The following PCDH11X variants were observed in gnomAD, a reference collection of about 807,000 sequenced individuals.
PCDH11X encodes protocadherin-11 X-linked.
Under a neutral mutation model 53.3 loss-of-function variants are expected in PCDH11X, and 18 were observed. That is an observed-to-expected ratio of 0.34 (90% confidence interval 0.23 to 0.50). The LOEUF (loss-of-function observed/expected upper bound fraction) is 0.50, where lower values mean the gene tolerates loss of function less well. Ranked by LOEUF, PCDH11X falls within the 20% of genes least tolerant of loss-of-function variation. PCDH11X has a pLI of 0.98. For missense variants in PCDH11X, 570 were observed against 1,032.4 expected (o/e 0.55, Z 6.14); for synonymous variants, 279 against 393.3 (o/e 0.71, Z 3.44).
At chrX:92,297,084 C>T (rs1430780557) in intron 8 of PCDH11X, among the ~76,000 whole-genome samples, 16 of 93,987 alleles carry the variant, frequency 1.7e-4, no homozygotes, top group Non-Finnish European at 3.4e-4. Context: ...ATATTTTCTC[C>T]CATTCTGTAG....
chrX:91,955,820 A>G (rs1158546479), intron 6 of PCDH11X, among the ~76,000 whole-genome samples: 1 of 111,072 alleles, frequency 9.0e-6, no homozygotes, highest in Non-Finnish European at 1.9e-5. Context: ...ATCTTTGTTA[A>G]TTTTCTGTCT....
intron 5 of PCDH11X, among the ~76,000 whole-genome samples, chrX:91,852,305 A>G (rs1439194165): frequency 9.1e-6 from 1 of 110,279 alleles, no homozygotes; most frequent in Non-Finnish European, 1.9e-5. Context: ...ATGAGCTACC[A>G]TGCCCAGCCC....
At chrX:92,460,661 A>G in intron 9 of PCDH11X, 1 of 929,523 alleles carries the variant, frequency 1.1e-6, no homozygotes, top group Non-Finnish European at 1.5e-6. Flanking sequence ...CTCCCTACAG[A>G]TGGTGCAGCT....
chrX:92,268,480 A>G (rs1269211388), intron 8 of PCDH11X, among the ~76,000 whole-genome samples: 1 of 110,574 alleles, frequency 9.0e-6, no homozygotes, highest in Admixed American at 9.7e-5. Context: ...TTTAGTAGAG[A>G]CGGGGTTTCA....
At chrX:92,293,492 C>T (rs1208953496) in intron 8 of PCDH11X, among the ~76,000 whole-genome samples, 4 of 109,170 alleles carry the variant, frequency 3.7e-5, no homozygotes, top group South Asian at 8.0e-4. Context: ...GGCGTGGTAG[C>T]GGGCGCCTGT....
chrX:92,050,510 G>A (rs1321102924), intron 6 of PCDH11X, among the ~76,000 whole-genome samples: 1 of 106,240 alleles, frequency 9.4e-6, no homozygotes, highest in Non-Finnish European at 1.9e-5. Context: ...AGACCGTCTG[G>A]GTTCAAAGTC....
chrX:92,541,074 C>G (rs2074748944), intron 10 of PCDH11X, among the ~76,000 whole-genome samples: 1 of 110,758 alleles, frequency 9.0e-6, no homozygotes, highest in African/African-American at 3.3e-5. Context: ...TCACGTGCCA[C>G]TTGAGTCCAC....
chrX:92,355,119 A>G (rs1360566560), intron 8 of PCDH11X, among the ~76,000 whole-genome samples: 2 of 107,538 alleles, frequency 1.9e-5, no homozygotes, highest in Non-Finnish European at 3.8e-5. Context: ...ATCTAAGTTG[A>G]CTACTTCTCA....
chrX:92,150,266 G>A (rs2065410220), intron 6 of PCDH11X, among the ~76,000 whole-genome samples: 2 of 111,253 alleles, frequency 1.8e-5, no homozygotes. Flanking sequence ...ATTTGGTATG[G>A]TTGTCTTTTT....
At chrX:92,111,553 T>A (rs530757876) in intron 6 of PCDH11X, among the ~76,000 whole-genome samples, 53 of 110,520 alleles carry the variant, frequency 4.8e-4, no homozygotes, top group South Asian at 2.7e-3. Context: ...TAGGAAATTT[T>A]AAAAAAACAG....
chrX:92,220,961 A>G (rs1603205431), intron 7 of PCDH11X, among the ~76,000 whole-genome samples: 1 of 100,833 alleles, frequency 9.9e-6, no homozygotes, highest in African/African-American at 3.6e-5. Flanking sequence ...AAAAAACCAA[A>G]CACCCCATGT....
intron 9 of PCDH11X, among the ~76,000 whole-genome samples, chrX:92,393,465 T>A (rs2071176568): frequency 1.8e-5 from 2 of 110,448 alleles, no homozygotes; most frequent in Admixed American, 9.7e-5. Context: ...AAGAAAGAGG[T>A]TGAACTCCAT....
intron 6 of PCDH11X, among the ~76,000 whole-genome samples, chrX:91,905,552 C>T (rs1373102192): frequency 2.7e-5 from 3 of 111,061 alleles, no homozygotes; most frequent in East Asian, 2.8e-4. Context: ...ATAATAATTG[C>T]TTTTTGTATA....
In PCDH11X at chrX:92,467,976, C is replaced by T. The variant is rs751720244; in HGVS notation, c.3344-323C>T. Among the ~76,000 whole-genome samples the T allele has an allele frequency of 1.1e-4, 12 of 111,326 alleles. No homozygotes were observed. In the South Asian group the frequency reaches 1.8e-3, roughly 17 times the overall value. ...GAGGACTGTACTTAGCCATCACAGG[C>T]GACGAAGCTAGAAAATCTACTGAGT... On this transcript the variant is annotated intron_variant, in intron 9 of 10. Transcript: ENST00000682573.
Position 91,877,431 on chromosome X carries a change from A to G in PCDH11X, c.1191A>G (p.Thr397=), listed in dbSNP as rs1291514177. ...DKDADHNGRV[T]CFTDHEIPFR... ...ATGCGGACCATAATGGCAGGGTGAC[A>G]TGCTTCACAGATCATGAAATCCCTT... The change falls in exon 6 of 11, where the codon ACA becomes ACG. Residue 397 remains threonine, a synonymous_variant. Transcript: ENST00000682573. The G allele has an allele frequency of 9.9e-6, 12 of 1,208,013 alleles. No individual in the cohort carries two copies. Among genetic ancestry groups the G allele is most frequent in the African/African-American group, 5.3e-5 (3 of 56,583 alleles).
chrX:92,257,377 C>T (rs953601615), intron 7 of PCDH11X, among the ~76,000 whole-genome samples: 1 of 111,151 alleles, frequency 9.0e-6, no homozygotes, highest in African/African-American at 3.3e-5. Context: ...TGGCCTCCCC[C>T]AAATCTCATG....
intron 6 of PCDH11X, among the ~76,000 whole-genome samples, chrX:92,155,613 A>G (rs1373983390): frequency 2.1e-5 from 2 of 94,467 alleles, no homozygotes; most frequent in African/African-American, 4.3e-5. Flanking sequence ...AGTTACTTCA[A>G]TAGCTTTTTT....
At chrX:92,178,902 A>C (rs776413862) in intron 6 of PCDH11X, among the ~76,000 whole-genome samples, 1 of 112,310 alleles carries the variant, frequency 8.9e-6, no homozygotes, top group African/African-American at 3.2e-5. Context: ...TATTTTACAA[A>C]AAATGGACAA....
intron 9 of PCDH11X, among the ~76,000 whole-genome samples, chrX:92,467,040 A>G (rs1172047772): frequency 1.8e-5 from 2 of 111,223 alleles, no homozygotes; most frequent in Non-Finnish European, 3.8e-5. Flanking sequence ...TGTGTTTCTT[A>G]TCATTGAAGT....
Sources: allele counts gnomAD v4.1 joint callset (sites outside exome capture counted in the v4.1 genomes callset), GRCh38; gene constraint gnomAD v4.1.1; transcripts MANE v1.5; gene names NCBI Gene and HGNC (gene_info 2026-07-23, HGNC 2026-07-21).